Variants in IL1RAPL1 observed in about 807,000 individuals in gnomAD.
IL1RAPL1 encodes the protein interleukin-1 receptor accessory protein-like 1.
Under a neutral mutation model 48.4 loss-of-function variants are expected in IL1RAPL1, and 3 were observed. The ratio of observed to expected loss-of-function variants is 0.06; its 90% CI spans 0.03 to 0.16. The LOEUF (loss-of-function observed/expected upper bound fraction) is 0.16. Among genes scored for constraint, IL1RAPL1 ranks in the 10% least tolerant of loss-of-function variants. The probability of loss-of-function intolerance (pLI) is 1.00; values close to 1 mark genes in which losing one functional copy is unlikely to be tolerated. For synonymous variants in IL1RAPL1, 185 were observed against 187.7 expected, an observed-to-expected ratio of 0.99 and a Z score of 0.12; for missense variants, 349 against 530.6, an observed-to-expected ratio of 0.66 and a Z score of 3.36.
intron 6 of IL1RAPL1, among the ~76,000 whole-genome samples, chrX:29,758,887 C>T (rs187629142): frequency 9.0e-6 from 1 of 111,272 alleles, no homozygotes; most frequent in African/African-American, 3.3e-5. Context: ...GTGCAAACCA[C>T]CCATGCTTCC....
intron 2 of IL1RAPL1, among the ~76,000 whole-genome samples, chrX:29,018,047 C>T (rs1314559443): frequency 9.0e-6 from 1 of 111,502 alleles, no homozygotes. Context: ...ATGGAAATAA[C>T]TGAATTTGAA....
intron 6 of IL1RAPL1, among the ~76,000 whole-genome samples, chrX:29,723,658 A>G (rs1927700103): frequency 8.9e-6 from 1 of 112,345 alleles, no homozygotes; most frequent in South Asian, 3.7e-4. Flanking sequence ...AACAGTTTTT[A>G]GAAAATTAAA....
At chrX:28,793,129 A>T (rs1223972579) in intron 2 of IL1RAPL1, among the ~76,000 whole-genome samples, 1 of 108,433 alleles carries the variant, frequency 9.2e-6, no homozygotes, top group African/African-American at 3.4e-5. Flanking sequence ...GTAGCACTTG[A>T]TGAAAGAGGC....
chrX:29,079,350 A>G (rs889501308), intron 2 of IL1RAPL1, among the ~76,000 whole-genome samples: 1 of 111,584 alleles, frequency 9.0e-6, no homozygotes, highest in Non-Finnish European at 1.9e-5. Flanking sequence ...ATGTCCTACT[A>G]TTACATGCTG....
chrX:29,624,674 A>G (rs991983983), intron 5 of IL1RAPL1, among the ~76,000 whole-genome samples: 15 of 106,825 alleles, frequency 1.4e-4, no homozygotes, highest in Non-Finnish European at 2.9e-4. Context: ...GTTTTTTACA[A>G]AAAATACAAA....
At chrX:28,671,666 C>T (rs1403839572) in intron 1 of IL1RAPL1, among the ~76,000 whole-genome samples, 1 of 112,286 alleles carries the variant, frequency 8.9e-6, no homozygotes, top group Non-Finnish European at 1.9e-5. Flanking sequence ...CTTATTCTGC[C>T]AGAGGTACTA....
intron 2 of IL1RAPL1, among the ~76,000 whole-genome samples, chrX:29,246,155 T>C (rs1408716327): frequency 2.0e-5 from 2 of 99,130 alleles, no homozygotes; most frequent in African/African-American, 7.3e-5. Context: ...TCGCTCTTTT[T>C]TTTTTTTTTT....
At chrX:29,185,205 A>G (rs1301684508) in intron 2 of IL1RAPL1, among the ~76,000 whole-genome samples, 1 of 112,797 alleles carries the variant, frequency 8.9e-6, no homozygotes, top group Non-Finnish European at 1.9e-5. Context: ...AAAAGTTTGC[A>G]TTTATCATTC....
intron 2 of IL1RAPL1, among the ~76,000 whole-genome samples, chrX:29,199,208 G>A (rs1930504404): frequency 9.0e-6 from 1 of 111,517 alleles, no homozygotes; most frequent in Admixed American, 9.6e-5. Flanking sequence ...GAAAATGTTT[G>A]TATAAATAAC....
intron 5 of IL1RAPL1, among the ~76,000 whole-genome samples, chrX:29,653,901 CTTA>C (rs1454929330): frequency 2.1e-5 from 2 of 93,478 alleles, no homozygotes; most frequent in Non-Finnish European, 4.3e-5. Flanking sequence ...AATTAGGGCT[CTTA>C]TTTATTTATT....
chrX:28,796,035 G>A, intron 2 of IL1RAPL1, among the ~76,000 whole-genome samples: 1 of 111,594 alleles, frequency 9.0e-6, no homozygotes. Context: ...TTACATGGAT[G>A]GCAGCAGGCA....
chrX:29,821,883 C>T (rs1290391915), intron 6 of IL1RAPL1, among the ~76,000 whole-genome samples: 2 of 112,039 alleles, frequency 1.8e-5, no homozygotes, highest in African/African-American at 6.5e-5. Flanking sequence ...GACAAACTTT[C>T]GTCTCTTGGA....
chrX:29,298,976 G>A (rs1932491947), intron 3 of IL1RAPL1, among the ~76,000 whole-genome samples: 1 of 109,998 alleles, frequency 9.1e-6, no homozygotes, highest in Admixed American at 9.7e-5. Flanking sequence ...TTGAGTCAGT[G>A]AGCTAGGAAA....
At chrX:29,902,320 C>T (rs1472248013) in intron 6 of IL1RAPL1, among the ~76,000 whole-genome samples, 2 of 110,950 alleles carry the variant, frequency 1.8e-5, no homozygotes, top group Non-Finnish European at 3.8e-5. Flanking sequence ...GTTCTAGACA[C>T]CATGAACTTT....
At chrX:29,699,063 T>C (rs1926987276) in intron 6 of IL1RAPL1, among the ~76,000 whole-genome samples, 1 of 112,457 alleles carries the variant, frequency 8.9e-6, no homozygotes, top group African/African-American at 3.2e-5. Context: ...TTGATTTGAC[T>C]TTTTAAAAAT....
chrX:29,649,466 A>G (rs186179205), intron 5 of IL1RAPL1, among the ~76,000 whole-genome samples: 2 of 112,306 alleles, frequency 1.8e-5, no homozygotes, highest in African/African-American at 6.4e-5. Flanking sequence ...AACATGATAC[A>G]TCACATTAAC....
At chrX:29,271,109 G>C (rs749712777) in intron 2 of IL1RAPL1, among the ~76,000 whole-genome samples, 70 of 111,654 alleles carry the variant, frequency 6.3e-4, no homozygotes, top group Admixed American at 1.7e-3. Context: ...GTGAGAACAG[G>C]CAGTATTTGG....
intron 5 of IL1RAPL1, among the ~76,000 whole-genome samples, chrX:29,465,007 A>G (rs1328972454): frequency 8.9e-6 from 1 of 111,956 alleles, no homozygotes; most frequent in East Asian, 2.8e-4. Context: ...TAATCTGTAC[A>G]CCAAACACCT....
intron 5 of IL1RAPL1, among the ~76,000 whole-genome samples, chrX:29,497,166 G>A (rs963391063): frequency 5.4e-5 from 6 of 111,128 alleles, no homozygotes; most frequent in Non-Finnish European, 9.4e-5. Context: ...AAAACCCCAC[G>A]GCCCTCTGAT....
Sources: gnomAD v4.1 joint callset for allele counts (sites outside exome capture counted in the v4.1 genomes callset) on GRCh38, gnomAD v4.1.1 for gene constraint, MANE v1.5 for transcripts, NCBI Gene and HGNC (gene_info 2026-07-23, HGNC 2026-07-21) for gene names.